The following ANKS1B variants were observed in gnomAD, a reference collection of about 807,000 sequenced individuals.
The protein encoded by ANKS1B is ankyrin repeat and sterile alpha motif domain containing 1B.
Under a neutral mutation model 148.3 loss-of-function variants are expected in ANKS1B, and 36 were observed. The observed-to-expected ratio is 0.24, with a 90% CI of 0.19 to 0.32. The LOEUF (loss-of-function observed/expected upper bound fraction) is 0.32, where lower values mean the gene tolerates loss of function less well. Among genes scored for constraint, ANKS1B ranks in the 10% least tolerant of loss-of-function variants. ANKS1B has a pLI of 1.00. For synonymous variants in ANKS1B, 542 were observed against 560.8 expected, an observed-to-expected ratio of 0.97 and a Z score of 0.47; for missense variants, 1,157 against 1,542.6, an observed-to-expected ratio of 0.75 and a Z score of 4.19.
At chr12:99,604,983 A>G (rs1219930306) in intron 9 of ANKS1B, among the ~76,000 whole-genome samples, 3 of 151,940 alleles carry the variant, frequency 2.0e-5, no homozygotes, top group Non-Finnish European at 2.9e-5. Flanking sequence ...ATAAAACACA[A>G]AATTGTTTCC....
chr12:98,766,662 C>T (rs1448388518), intron 25 of ANKS1B, among the ~76,000 whole-genome samples: 1 of 152,206 alleles, frequency 6.6e-6, no homozygotes, highest in Non-Finnish European at 1.5e-5. Flanking sequence ...GGTGAACTAA[C>T]ATCAATAATA....
downstream of ANKS1B, among the ~76,000 whole-genome samples, chr12:98,742,270 T>C (rs902231200): frequency 6.6e-6 from 1 of 152,036 alleles, no homozygotes; most frequent in African/African-American, 2.4e-5. Flanking sequence ...GAAGGATGTC[T>C]TATTTCAGCC....
intron 12 of ANKS1B, among the ~76,000 whole-genome samples, chr12:99,317,790 T>C (rs534496325): frequency 6.1e-4 from 93 of 152,358 alleles, no homozygotes; most frequent in African/African-American, 2.2e-3. Context: ...AGTATGATAT[T>C]GGCTGTGGGT....
intron 1 of ANKS1B, among the ~76,000 whole-genome samples, chr12:99,887,155 G>A (rs139596629): frequency 1.1e-4 from 16 of 152,216 alleles, no homozygotes; most frequent in African/African-American, 2.2e-4. Flanking sequence ...AATGAAGATC[G>A]CAGCACTAAT....
intron 8 of ANKS1B, among the ~76,000 whole-genome samples, chr12:99,687,909 G>A (rs1163131595): frequency 6.6e-6 from 1 of 152,070 alleles, no homozygotes; most frequent in Non-Finnish European, 1.5e-5. Flanking sequence ...TACATTGTTA[G>A]GTGCCAGATT....
chr12:99,433,358 A>G (rs934775479), intron 11 of ANKS1B, among the ~76,000 whole-genome samples: 1 of 152,210 alleles, frequency 6.6e-6, no homozygotes, highest in African/African-American at 2.4e-5. Context: ...CACTTACCAT[A>G]TAGCTTCTGG....
intron 9 of ANKS1B, among the ~76,000 whole-genome samples, chr12:99,627,868 G>A (rs1184284270): frequency 1.3e-5 from 2 of 152,118 alleles, no homozygotes; most frequent in Non-Finnish European, 2.9e-5. Flanking sequence ...GAAGGAAATG[G>A]ACCTTAAAGT....
At chr12:99,658,732 G>C (rs553132787) in intron 8 of ANKS1B, among the ~76,000 whole-genome samples, 4 of 152,056 alleles carry the variant, frequency 2.6e-5, no homozygotes. Context: ...GCTGTATGAA[G>C]ATCAAATTAA....
In ANKS1B at chr12:98,976,937, A is replaced by C. The variant is rs561402336; in HGVS notation, c.2778+76220T>G. ...CTATTAGACTAACTATTTTCTTTTC[A>C]TGTCAGGTACACAGTGGCTCCAAAG... On this transcript the variant is annotated intron_variant, in intron 17 of 26. Transcript: ENST00000683438. Among the ~76,000 whole-genome samples, 4 of 152,292 alleles carry C rather than the reference A, an allele frequency of 2.6e-5. No homozygotes were observed. In the South Asian group the frequency reaches 8.3e-4, roughly 32 times the overall value.
At chr12:99,507,184 C>T (rs2096720262) in intron 9 of ANKS1B, among the ~76,000 whole-genome samples, 1 of 151,702 alleles carries the variant, frequency 6.6e-6, no homozygotes, top group Non-Finnish European at 1.5e-5. Flanking sequence ...ACTGAGATTA[C>T]AACGATAAGA....
chr12:98,864,793 T>C (rs536629713), intron 17 of ANKS1B, among the ~76,000 whole-genome samples: 12 of 152,326 alleles, frequency 7.9e-5, no homozygotes, highest in African/African-American at 2.9e-4. Flanking sequence ...TGCCTGCCTC[T>C]TTCCATCCCT....
At chr12:99,360,129 C>T (rs181357578) in intron 12 of ANKS1B, among the ~76,000 whole-genome samples, 8 of 152,178 alleles carry the variant, frequency 5.3e-5, no homozygotes, top group Admixed American at 1.3e-4. Flanking sequence ...TACCTAATCC[C>T]GACTAAATAA....
intron 17 of ANKS1B, among the ~76,000 whole-genome samples, chr12:98,912,536 G>A (rs760397538): frequency 1.2e-4 from 18 of 152,230 alleles, no homozygotes; most frequent in Non-Finnish European, 2.2e-4. Context: ...ATCACACCAC[G>A]TGTCTTGTTT....
chr12:99,394,502 G>C (rs1307073458), intron 12 of ANKS1B, among the ~76,000 whole-genome samples: 1 of 151,904 alleles, frequency 6.6e-6, no homozygotes, highest in African/African-American at 2.4e-5. Context: ...CAACCAAATT[G>C]CTCTTGTCAA....
At chr12:99,597,316 CTG>C (rs2097766595) in intron 9 of ANKS1B, among the ~76,000 whole-genome samples, 1 of 151,864 alleles carries the variant, frequency 6.6e-6, no homozygotes, top group Admixed American at 6.6e-5. Context: ...TGTACACACA[CTG>C]TTATACCTTT....
At chr12:99,128,414 G>T (rs2065058428) in intron 15 of ANKS1B, among the ~76,000 whole-genome samples, 1 of 152,156 alleles carries the variant, frequency 6.6e-6, no homozygotes, top group African/African-American at 2.4e-5. Flanking sequence ...TGAATGAGTT[G>T]CCTGATTCTG....
chr12:98,918,136 G>A (rs913593040), intron 17 of ANKS1B, among the ~76,000 whole-genome samples: 8 of 152,230 alleles, frequency 5.3e-5, no homozygotes, highest in African/African-American at 1.9e-4. Context: ...TCCTGCATAC[G>A]CAGCTGTGTT....
chr12:99,892,074 G>A (rs892678064), intron 1 of ANKS1B, among the ~76,000 whole-genome samples: 19 of 152,096 alleles, frequency 1.2e-4, no homozygotes, highest in African/African-American at 4.6e-4. Flanking sequence ...CATGATCTCG[G>A]CTCACTGCAA....
At chr12:99,801,369 A>C (rs942631840) in intron 4 of ANKS1B, among the ~76,000 whole-genome samples, 2 of 152,222 alleles carry the variant, frequency 1.3e-5, no homozygotes, top group Non-Finnish European at 2.9e-5. Flanking sequence ...CGTATCTCAG[A>C]GGTCAAAAGA....
Sources: gnomAD v4.1 joint callset for allele counts (sites outside exome capture counted in the v4.1 genomes callset) on GRCh38, gnomAD v4.1.1 for gene constraint, MANE v1.5 for transcripts, NCBI Gene and HGNC (gene_info 2026-07-23, HGNC 2026-07-21) for gene names.